Variants in ADARB2 observed in about 807,000 individuals in gnomAD.
The protein encoded by ADARB2 is inactive double-stranded RNA-specific editase B2.
Under a neutral mutation model 62.2 loss-of-function variants are expected in ADARB2, and 25 were observed. The ratio of observed to expected loss-of-function variants is 0.40; its 90% CI spans 0.29 to 0.56. The LOEUF (loss-of-function observed/expected upper bound fraction) is 0.56. Among genes scored for constraint, ADARB2 ranks in the 20% least tolerant of loss-of-function variants. ADARB2 has a pLI of 0.43. For synonymous variants in ADARB2, 572 were observed against 500.8 expected, an observed-to-expected ratio of 1.14 and a Z score of -1.90; for missense variants, 1,071 against 1,077.4, an observed-to-expected ratio of 0.99 and a Z score of 0.08.
chr10:1,631,684 C>T (rs77269126), intron 1 of ADARB2, among the ~76,000 whole-genome samples: 576 of 152,258 alleles, frequency 3.8e-3, no homozygotes, highest in Non-Finnish European at 6.1e-3. Flanking sequence ...AAGGACGACG[C>T]TGTGTGGGCT....
chr10:1,438,374 A>G (rs116335204), intron 1 of ADARB2, among the ~76,000 whole-genome samples: 21,726 of 117,380 alleles, frequency 0.19, 2,554 homozygotes, highest in African/African-American at 0.4. Context: ...AGCAGATGGA[A>G]GGAGGTCCTT....
chr10:1,480,730 C>T (rs1477382615), intron 1 of ADARB2, among the ~76,000 whole-genome samples: 2 of 151,978 alleles, frequency 1.3e-5, no homozygotes, highest in Non-Finnish European at 2.9e-5. Flanking sequence ...TTTATGGTCT[C>T]ATCTAAAAGA....
At chr10:1,495,036 G>A (rs956703533) in intron 1 of ADARB2, among the ~76,000 whole-genome samples, 1 of 152,150 alleles carries the variant, frequency 6.6e-6, no homozygotes, top group Non-Finnish European at 1.5e-5. Flanking sequence ...ATATGTTTTA[G>A]TAGGAAGTCT....
At chr10:1,536,284 C>G (rs1030357015) in intron 1 of ADARB2, among the ~76,000 whole-genome samples, 6 of 152,174 alleles carry the variant, frequency 3.9e-5, no homozygotes, top group African/African-American at 1.4e-4. Context: ...ACAGAAAGCG[C>G]CATCTACAAG....
chr10:1,379,115 A>G lies in ADARB2; in HGVS notation c.146T>C (p.Leu49Pro). 6.2e-7 allele frequency: 1 copy of G among 1,613,960 alleles called. No homozygotes were observed. Among genetic ancestry groups the G allele is most frequent in the Non-Finnish European group, 8.5e-7 (1 of 1,179,886 alleles). Reference protein sequence around the residue: ...LSTFLAPFKHLSPGITNTEDD... With the variant: ...LSTFLAPFKHPSPGITNTEDD... ...CTCCGTGTTTGTGATGCCAGGACTC[A>G]GGTGCTTGAAAGGAGCGAGGAAGGT... Residue 49 changes from leucine (L) to proline (P), a missense_variant, in exon 2 of 10, where the codon CTG (leucine) becomes CCG (proline). Physicochemically the swap from Leu to Pro is moderately conservative, Grantham distance 98. Coordinates refer to ENST00000381312, the MANE Select transcript of ADARB2 (RefSeq NM_018702.4).
intron 1 of ADARB2, among the ~76,000 whole-genome samples, chr10:1,384,837 A>G (rs943685897): frequency 1.3e-5 from 2 of 152,152 alleles, no homozygotes; most frequent in African/African-American, 4.8e-5. Context: ...ACTCAGCCCC[A>G]CATGAGAAGG....
chr10:1,402,308 T>C (rs1163168955), intron 1 of ADARB2, among the ~76,000 whole-genome samples: 2 of 152,184 alleles, frequency 1.3e-5, no homozygotes, highest in African/African-American at 4.8e-5. Context: ...AATCTACTTC[T>C]GAGCGATTTG....
intron 1 of ADARB2, among the ~76,000 whole-genome samples, chr10:1,690,898 C>T (rs948274218): frequency 3.3e-5 from 5 of 152,312 alleles, no homozygotes; most frequent in South Asian, 4.1e-4. Context: ...CTCATCAAAA[C>T]GCGCATCTAT....
At chr10:1,467,059 T>G (rs966606164) in intron 1 of ADARB2, among the ~76,000 whole-genome samples, 4 of 152,078 alleles carry the variant, frequency 2.6e-5, no homozygotes, top group Non-Finnish European at 5.9e-5. Context: ...TCTCTCTCTC[T>G]CTCGCTTTCT....
chr10:1,671,646 C>T (rs934049602), intron 1 of ADARB2, among the ~76,000 whole-genome samples: 1 of 152,172 alleles, frequency 6.6e-6, no homozygotes, highest in Non-Finnish European at 1.5e-5. Context: ...GACAATTCAT[C>T]TCCTCGTTCT....
At chr10:1,479,444 C>T (rs2131923067) in intron 1 of ADARB2, among the ~76,000 whole-genome samples, 1 of 152,264 alleles carries the variant, frequency 6.6e-6, no homozygotes, top group Admixed American at 6.5e-5. Context: ...ACAGCAGAGG[C>T]TGGGAGATGG....
At chr10:1,433,238 C>G (rs1290785059) in intron 1 of ADARB2, among the ~76,000 whole-genome samples, 1 of 152,238 alleles carries the variant, frequency 6.6e-6, no homozygotes, top group Non-Finnish European at 1.5e-5. Flanking sequence ...ATTGTGGCAG[C>G]TGGTGTGAAA....
At chr10:1,564,289 C>A (rs1183185091) in intron 1 of ADARB2, among the ~76,000 whole-genome samples, 2 of 152,184 alleles carry the variant, frequency 1.3e-5, no homozygotes, top group Non-Finnish European at 2.9e-5. Flanking sequence ...CAACGTTAGA[C>A]CTAAAACCAT....
In ADARB2 at chr10:1,194,557, CATCT is replaced by C. The variant is rs1290954886; in HGVS notation, c.1864+5405_1864+5408del. Among the ~76,000 whole-genome samples, 4 of 152,324 alleles carry C rather than the reference CATCT, an allele frequency of 2.6e-5. No individual in the cohort carries two copies. In the East Asian group the frequency reaches 7.7e-4, roughly 29 times the overall value. On this transcript the variant is annotated intron_variant, in intron 8 of 9. Coordinates refer to ENST00000381312, the MANE Select transcript of ADARB2 (RefSeq NM_018702.4). ...TCTATCTGTCTGTCTGTCAGTCTAT[CATCT>C]ATCTATTCATCCATCCTCCATATAT...
Position 1,206,499 on chromosome 10 carries a change from G to A in ADARB2, c.1683-6352C>T, listed in dbSNP as rs116185328. 6.3e-3 allele frequency among the ~76,000 whole-genome samples: 956 copies of A among 151,238 alleles called. 20 individuals carry two copies. The highest frequency in any genetic ancestry group is 0.022 in the African/African-American group (907 of 41,302). ...GAGAGAACTGCGGGGTCTCCTCCTC[G>A]TGCCTGTGTGGTCTGAGAGAACTGC... On this transcript the variant is annotated intron_variant, in intron 7 of 9. Coordinates refer to ENST00000381312, the MANE Select transcript of ADARB2 (RefSeq NM_018702.4).
chr10:1,222,407 C>A (rs993197581), intron 6 of ADARB2, among the ~76,000 whole-genome samples: 2 of 152,008 alleles, frequency 1.3e-5, no homozygotes, highest in Non-Finnish European at 2.9e-5. Context: ...TGTGCAGAAG[C>A]TCTTTAGTTT....
chr10:1,231,958 A>C (rs1486863996), intron 6 of ADARB2, among the ~76,000 whole-genome samples: 2 of 152,322 alleles, frequency 1.3e-5, no homozygotes, highest in East Asian at 3.9e-4. Flanking sequence ...GACAAGCCTG[A>C]CAACAGCAGG....
intron 1 of ADARB2, among the ~76,000 whole-genome samples, chr10:1,505,030 G>T (rs1281473948): frequency 6.6e-6 from 1 of 150,620 alleles, no homozygotes; most frequent in Non-Finnish European, 1.5e-5. Context: ...CACAGACACA[G>T]CCACACATGC....
intron 4 of ADARB2, among the ~76,000 whole-genome samples, chr10:1,248,015 G>A (rs893302917): frequency 2.0e-5 from 3 of 152,230 alleles, no homozygotes; most frequent in African/African-American, 7.2e-5. Context: ...AATGAGCAAT[G>A]CTTTGTGTAA....
Sources: gnomAD v4.1 joint callset for allele counts (sites outside exome capture counted in the v4.1 genomes callset) on GRCh38, gnomAD v4.1.1 for gene constraint, MANE v1.5 for transcripts, NCBI Gene and HGNC (gene_info 2026-07-23, HGNC 2026-07-21) for gene names.